Variants in FARP2 observed in about 807,000 individuals in gnomAD.
The protein encoded by FARP2 is FERM, ARH/RhoGEF and pleckstrin domain protein 2.
A neutral mutation model predicts 130.5 loss-of-function variants in FARP2; 111 were observed. The ratio of observed to expected loss-of-function variants is 0.85; its 90% CI spans 0.73 to 1.00. The LOEUF is 1.00. Among genes scored for constraint, FARP2 ranks in the 50% least tolerant of loss-of-function variants. The pLI is 0.00. For synonymous variants in FARP2, 504 were observed against 516.9 expected (o/e 0.98, Z 0.34); for missense variants, 1,385 against 1,346.3 (o/e 1.03, Z -0.45).
At chr2:241,391,319 G>A (rs2061898209) in intron 2 of FARP2, among the ~76,000 whole-genome samples, 1 of 152,206 alleles carries the variant, frequency 6.6e-6, no homozygotes, top group Non-Finnish European at 1.5e-5. Context: ...CTGGTGTTTG[G>A]CATACACTGT....
intron 1 of FARP2, among the ~76,000 whole-genome samples, chr2:241,364,987 T>C (rs2061273118): frequency 6.6e-6 from 1 of 152,164 alleles, no homozygotes; most frequent in Non-Finnish European, 1.5e-5. Flanking sequence ...ACAAATCAGG[T>C]CTGTGGCCTT....
chr2:241,492,477 C>T (rs1005033057), intron 24 of FARP2, among the ~76,000 whole-genome samples: 2 of 152,220 alleles, frequency 1.3e-5, no homozygotes, highest in African/African-American at 2.4e-5. Context: ...GCCACTCCAG[C>T]GCCAAAGCCA....
At chr2:241,436,459 C>T (rs757371599) in intron 11 of FARP2, 22 bp from the exon 12 acceptor site, 2 of 1,613,786 alleles carry the variant, frequency 1.2e-6, no homozygotes, top group East Asian at 2.2e-5. Flanking sequence ...TGGTTTCTCA[C>T]AGCTCGTCCT....
intron 24 of FARP2, chr2:241,492,614 G>A (rs2064961356): frequency 1.2e-5 from 3 of 248,622 alleles, no homozygotes; most frequent in South Asian, 1.7e-4. Flanking sequence ...TTGGCTCAAT[G>A]TACTGTCTCT....
At chr2:241,422,375 C>T (rs2062832809) in intron 8 of FARP2, among the ~76,000 whole-genome samples, 1 of 151,764 alleles carries the variant, frequency 6.6e-6, no homozygotes, top group Non-Finnish European at 1.5e-5. Flanking sequence ...TGCACTCCAC[C>T]CTGGGTGACA....
intron 13 of FARP2, among the ~76,000 whole-genome samples, chr2:241,454,232 G>T (rs1185711565): frequency 2.6e-5 from 4 of 152,106 alleles, no homozygotes; most frequent in East Asian, 1.9e-4. Context: ...CTTAAAGGCA[G>T]ATTTTGCAGC....
Position 241,468,365 on chromosome 2 carries a change from G to A in FARP2, c.2119G>A (p.Ala707Thr), listed in dbSNP as rs141525988. ...GHYSPGHHDYADCHDALKAIT... is the reference protein window; with the variant it reads ...GHYSPGHHDYTDCHDALKAIT... Reference sequence around the variant, plus strand: ...TTACAGCCCCGGGCACCATGACTACGCTGACTGCCATGGTGAGTGTGGGTG... The same window carrying A: ...TTACAGCCCCGGGCACCATGACTACACTGACTGCCATGGTGAGTGTGGGTG... Residue 707 changes from alanine to threonine, a missense_variant, in exon 18 of 27, where the codon GCT becomes ACT. Ala to Thr is a moderately conservative substitution (Grantham distance 58). Coordinates refer to ENST00000264042, the MANE Select transcript of FARP2 (RefSeq NM_014808.4). The A allele has an allele frequency of 4.3e-6, 7 of 1,610,202 alleles. No homozygotes were observed. The highest frequency in any genetic ancestry group is 4.5e-5 in the East Asian group (2 of 44,864).
At position 241,378,140 on chromosome 2, in the gene FARP2, C is replaced by T. The variant is rs115517790; in HGVS notation, c.183+4850C>T. On this transcript the variant is annotated intron_variant, in intron 2 of 26. Coordinates refer to ENST00000264042, the MANE Select transcript of FARP2 (RefSeq NM_014808.4). ...TTTTTGAGGCAGAATTTCACTCTGTCGCTCAGGCTGGAGTGCAATGGCATG... is the reference window on the plus strand; with the variant it reads ...TTTTTGAGGCAGAATTTCACTCTGTTGCTCAGGCTGGAGTGCAATGGCATG... 3.0e-3 allele frequency among the ~76,000 whole-genome samples: 459 copies of T among 151,554 alleles called. 1 individual carries two copies. The highest frequency in any genetic ancestry group is 0.011 in the African/African-American group (445 of 41,276).
chr2:241,482,844 C>T lies in FARP2; in HGVS notation c.2263-621C>T, dbSNP rs1314140233. Among the ~76,000 whole-genome samples the T allele has an allele frequency of 6.6e-6, 1 of 152,194 alleles. No homozygotes were observed. The highest frequency in any genetic ancestry group is 6.5e-5 in the Admixed American group (1 of 15,288). On this transcript the variant is annotated intron_variant, in intron 19 of 26. Coordinates refer to ENST00000264042, the MANE Select transcript of FARP2 (RefSeq NM_014808.4). The surrounding 1 kb of genome is among the most constrained non-coding windows in gnomAD (Gnocchi z 4.6). ...CTCCCAGGACTCTCGCTTACCCTATCTGCGCAGGTGTCTGATACTGGCAGG... is the reference window on the plus strand; with the variant it reads ...CTCCCAGGACTCTCGCTTACCCTATTTGCGCAGGTGTCTGATACTGGCAGG...
At chr2:241,445,044 C>G (rs2150423606) in intron 13 of FARP2, 1 of 152,316 alleles carries the variant, frequency 6.6e-6, no homozygotes, top group Non-Finnish European at 1.5e-5. Flanking sequence ...ATCCCCCCAC[C>G]CCAGCCTCCT....
chr2:241,485,005 G>A (rs1158282050), intron 21 of FARP2, among the ~76,000 whole-genome samples: 1 of 152,092 alleles, frequency 6.6e-6, no homozygotes, highest in Non-Finnish European at 1.5e-5. Context: ...GCCTGCCAGG[G>A]CGCCAAGGAC....
intron 8 of FARP2, 109 bp from the exon 9 acceptor site, chr2:241,431,570 C>A: frequency 1.5e-6 from 1 of 651,724 alleles, no homozygotes; most frequent in Non-Finnish European, 2.7e-6. Context: ...TGGTAAAATG[C>A]CAAGTAGAGT....
chr2:241,457,459 A>G (rs12622256), intron 14 of FARP2, among the ~76,000 whole-genome samples: 7,463 of 36,858 alleles, frequency 0.2, 532 homozygotes, highest in East Asian at 0.33. Context: ...AAGGGAGGGT[A>G]CACTAGGGAC....
intron 2 of FARP2, among the ~76,000 whole-genome samples, chr2:241,381,158 C>T (rs2061652888): frequency 6.6e-6 from 1 of 152,092 alleles, no homozygotes; most frequent in African/African-American, 2.4e-5. Flanking sequence ...TCTGGAAACC[C>T]CACTCTGCTG....
intron 1 of FARP2, among the ~76,000 whole-genome samples, chr2:241,371,175 T>A (rs993406019): frequency 5.9e-5 from 9 of 152,284 alleles, no homozygotes; most frequent in African/African-American, 2.2e-4. Context: ...GAGAGCCTAT[T>A]TGAAATTAAG....
chr2:241,472,632 G>A (rs1026016794), intron 18 of FARP2, among the ~76,000 whole-genome samples: 1 of 151,216 alleles, frequency 6.6e-6, no homozygotes, highest in Non-Finnish European at 1.5e-5. Context: ...TAGGGATTTT[G>A]TTCTGTGTAG....
At chr2:241,368,273 G>A (rs776416277) in intron 1 of FARP2, among the ~76,000 whole-genome samples, 2 of 152,052 alleles carry the variant, frequency 1.3e-5, no homozygotes, top group Non-Finnish European at 2.9e-5. Flanking sequence ...AAAGAAGATG[G>A]CACAATAAGC....
At chr2:241,393,996 G>GAAGC (rs1466773836) in intron 2 of FARP2, among the ~76,000 whole-genome samples, 2 of 152,156 alleles carry the variant, frequency 1.3e-5, no homozygotes, top group Non-Finnish European at 2.9e-5. Context: ...AGTTCAGCAG[G>GAAGC]AAGCACAGTG....
chr2:241,360,630 C>T (rs1014608556), intron 1 of FARP2, among the ~76,000 whole-genome samples: 26 of 149,290 alleles, frequency 1.7e-4, no homozygotes, highest in Admixed American at 1.1e-3. Context: ...GCCGTGATCA[C>T]GCCACTGCAC....
Sources: allele counts gnomAD v4.1 joint callset (sites outside exome capture counted in the v4.1 genomes callset), GRCh38; gene constraint gnomAD v4.1.1; non-coding constraint Gnocchi (gnomAD v3.1); transcripts MANE v1.5; gene names NCBI Gene and HGNC (gene_info 2026-07-23, HGNC 2026-07-21).